DCDC2: variants seen among roughly 807,000 people sequenced by gnomAD.
DCDC2 encodes the protein doublecortin domain containing 2.
Under a neutral mutation model 50.2 loss-of-function variants are expected in DCDC2, and 40 were observed. That is an observed-to-expected ratio of 0.80 (90% confidence interval 0.62 to 1.04). The LOEUF is 1.04. Among genes scored for constraint, DCDC2 ranks in the 50% least tolerant of loss-of-function variants. The probability of loss-of-function intolerance (pLI) is 0.00; values close to 1 mark genes in which losing one functional copy is unlikely to be tolerated. For synonymous variants in DCDC2, 234 were observed against 210.6 expected, an observed-to-expected ratio of 1.11 and a Z score of -0.96; for missense variants, 570 against 581.9, an observed-to-expected ratio of 0.98 and a Z score of 0.21.
chr6:24,302,325 T>C (rs1181235898), intron 2 of DCDC2, among the ~76,000 whole-genome samples: 2 of 151,526 alleles, frequency 1.3e-5, no homozygotes, highest in Non-Finnish European at 2.9e-5. Context: ...TCATTTTCTG[T>C]TACGAAAATA....
At chr6:24,188,207 C>T (rs1761245080) in intron 8 of DCDC2, among the ~76,000 whole-genome samples, 1 of 152,136 alleles carries the variant, frequency 6.6e-6, no homozygotes, top group South Asian at 2.1e-4. Context: ...TGCTGGTCCC[C>T]AAATGACACT....
intron 6 of DCDC2, among the ~76,000 whole-genome samples, chr6:24,279,860 G>T (rs147878078): frequency 6.6e-6 from 1 of 152,324 alleles, no homozygotes; most frequent in African/African-American, 2.4e-5. Flanking sequence ...CTAGCATGAG[G>T]ATGCAATGAT....
chr6:24,301,674 A>G (rs375617552), intron 4 of DCDC2, 41 bp downstream of exon 4: 5 of 1,605,954 alleles, frequency 3.1e-6, no homozygotes, highest in Admixed American at 1.7e-5. Context: ...TATCTTCAAC[A>G]ATTCAAAAAC....
intron 7 of DCDC2, among the ~76,000 whole-genome samples, chr6:24,228,723 C>A (rs1431360175): frequency 6.6e-6 from 1 of 152,116 alleles, no homozygotes; most frequent in African/African-American, 2.4e-5. Context: ...TATTTCCTAC[C>A]TCTGTTTCTT....
At chr6:24,234,906 A>G (rs1453095916) in intron 7 of DCDC2, among the ~76,000 whole-genome samples, 1 of 152,196 alleles carries the variant, frequency 6.6e-6, no homozygotes, top group Non-Finnish European at 1.5e-5. Context: ...CTTGCCAAAC[A>G]CCCAGATTAT....
At chr6:24,358,930 ATATATTT>A (rs1561788576), upstream of DCDC2, among the ~76,000 whole-genome samples, 2 of 29,494 alleles carry the variant, frequency 6.8e-5, no homozygotes, top group Admixed American at 1.4e-3. Flanking sequence ...ATTATATATT[ATATATTT>A]TATATATTAT....
intron 7 of DCDC2, among the ~76,000 whole-genome samples, chr6:24,216,026 G>A (rs943474111): frequency 6.6e-6 from 1 of 152,158 alleles, no homozygotes; most frequent in African/African-American, 2.4e-5. Context: ...GGAAGGGGAT[G>A]GGGGTGGTTA....
chr6:24,198,023 C>G (rs1761484325), intron 8 of DCDC2, among the ~76,000 whole-genome samples: 1 of 151,812 alleles, frequency 6.6e-6, no homozygotes, highest in Admixed American at 6.6e-5. Flanking sequence ...CGTATATACT[C>G]ACACACACAC....
intron 8 of DCDC2, among the ~76,000 whole-genome samples, chr6:24,184,431 G>A (rs886837126): frequency 2.0e-5 from 3 of 151,866 alleles, no homozygotes; most frequent in Non-Finnish European, 2.9e-5. Context: ...AAAATTAGCC[G>A]GGCTTGGTGG....
chr6:24,230,329 G>A (rs1762313411), intron 7 of DCDC2, among the ~76,000 whole-genome samples: 1 of 151,520 alleles, frequency 6.6e-6, no homozygotes, highest in South Asian at 2.1e-4. Context: ...AGTAGTAATT[G>A]AAAACAACAA....
chr6:24,280,483 A>C (rs1285835008), intron 6 of DCDC2, among the ~76,000 whole-genome samples: 1 of 152,056 alleles, frequency 6.6e-6, no homozygotes, highest in East Asian at 1.9e-4. Flanking sequence ...AGCATCAGCC[A>C]AGTCTCATAG....
the DCDC2 span, among the ~76,000 whole-genome samples, chr6:24,374,636 G>A: frequency 7.9e-5 from 12 of 151,090 alleles, no homozygotes; most frequent in African/African-American, 2.9e-4. Flanking sequence ...GTCTGGAGCT[G>A]GGCCTTAAGA....
intron 9 of DCDC2, 135 bp from the exon 10 acceptor site, chr6:24,174,969 C>T (rs1581566710): frequency 2.0e-6 from 1 of 488,160 alleles, no homozygotes; most frequent in Non-Finnish European, 3.4e-6. Context: ...CTGGGGTTCC[C>T]TTTGTTTTTT....
intron 7 of DCDC2, among the ~76,000 whole-genome samples, chr6:24,227,741 A>G (rs1178493358): frequency 6.6e-6 from 1 of 152,192 alleles, no homozygotes; most frequent in Non-Finnish European, 1.5e-5. Flanking sequence ...CATGATGCAA[A>G]CAACAACCGT....
At chr6:24,256,595 A>G (rs1762902349) in intron 7 of DCDC2, among the ~76,000 whole-genome samples, 1 of 152,220 alleles carries the variant, frequency 6.6e-6, no homozygotes, top group South Asian at 2.1e-4. Flanking sequence ...AATACAGCAC[A>G]TGAAAAAAAT....
At chr6:24,317,418 G>C in intron 2 of DCDC2, among the ~76,000 whole-genome samples, 1 of 151,966 alleles carries the variant, frequency 6.6e-6, no homozygotes, top group East Asian at 1.9e-4. Context: ...AAATGGCTTT[G>C]GGACAGTGGG....
intron 7 of DCDC2, among the ~76,000 whole-genome samples, chr6:24,232,794 A>G (rs970642300): frequency 2.0e-5 from 3 of 152,186 alleles, no homozygotes; most frequent in Non-Finnish European, 4.4e-5. Flanking sequence ...AATAATGGAT[A>G]AAGGTGAGTG....
At chr6:24,276,414 C>CAAA (rs56396342) in intron 7 of DCDC2, among the ~76,000 whole-genome samples, 3,822 of 145,952 alleles carry the variant, frequency 0.026, 85 homozygotes, top group Middle Eastern at 0.053. Context: ...AGGCTTTTAA[C>CAAA]AAAAAAAAAA....
chr6:24,378,602 C>T, the DCDC2 span, among the ~76,000 whole-genome samples: 1 of 152,124 alleles, frequency 6.6e-6, no homozygotes, highest in African/African-American at 2.4e-5. Flanking sequence ...ACTCAGGAAA[C>T]ACTTGCAGAA....
Sources: allele counts gnomAD v4.1 joint callset (sites outside exome capture counted in the v4.1 genomes callset), GRCh38; gene constraint gnomAD v4.1.1; transcripts MANE v1.5; gene names NCBI Gene and HGNC (gene_info 2026-07-23, HGNC 2026-07-21).